SGSM2: variants seen among roughly 807,000 people sequenced by gnomAD.
SGSM2 encodes small G protein signaling modulator 2.
In SGSM2, 89 loss-of-function variants were observed where a neutral mutation model predicts 126.6. The ratio of observed to expected loss-of-function variants is 0.70; its 90% CI spans 0.59 to 0.84. The LOEUF is 0.84. SGSM2 is among the 40% of genes least tolerant of loss of function. SGSM2 has a pLI of 0.00. For synonymous variants in SGSM2, 614 were observed against 574.3 expected, an observed-to-expected ratio of 1.07 and a Z score of -0.99; for missense variants, 1,404 against 1,416.6, an observed-to-expected ratio of 0.99 and a Z score of 0.14.
chr17:2,364,901 C>T lies in SGSM2; in HGVS notation c.1005C>T (p.Ser335=), dbSNP rs759271614. ...ACTCTCCACGTTCACCCCCAGAGAG[C>T]GGTGGCACGCTTGTGCTGGTGAGCC... The part of the protein sequence containing the change: ...VVCIHCHQQK[S]GGTLVLVSQD... Residue 335 remains serine (S), a synonymous_variant, in exon 10 of 24, where the codon AGC becomes AGT. Coordinates refer to ENST00000268989, the MANE Select transcript of SGSM2 (RefSeq NM_014853.3). 9.3e-6 allele frequency: 15 copies of T among 1,609,016 alleles called. No homozygotes were observed. In the African/African-American group the frequency reaches 1.1e-4, roughly 11 times the overall value.
At position 2,375,687 on chromosome 17, in the gene SGSM2, T is replaced by C; in HGVS notation, c.2296T>C (p.Ser766Pro). 6.2e-7 allele frequency: 1 copy of C among 1,613,776 alleles called. No individual in the cohort carries two copies. The highest frequency in any genetic ancestry group is 8.5e-7 in the Non-Finnish European group (1 of 1,179,898). The stretch of plus-strand genomic sequence containing the variant: ...TTACTCCGTGGCCTCGGGCATCCAG[T>C]CAAGCCTAGATGAGGGGCAGAGCGT... ...RNYSVASGIQ[S>P]SLDEGQSVGF... The change falls in exon 18 of 24, where the codon TCA (serine) becomes CCA (proline). Residue 766 changes from serine (S) to proline (P), a missense_variant. Transcript: ENST00000268989.
chr17:2,361,977 C>A, intron 3 of SGSM2, 132 bp from the exon 4 acceptor site: 1 of 1,327,978 alleles, frequency 7.5e-7, no homozygotes, highest in Non-Finnish European at 1.0e-6. Context: ...GCTCTGTACC[C>A]CTCCTTCACC....
At position 2,372,335 on chromosome 17, in the gene SGSM2, C is replaced by T. The variant is rs2065910755; in HGVS notation, c.1643-8C>T. The T allele has an allele frequency of 6.2e-7, 1 of 1,601,150 alleles. No individual in the cohort carries two copies. The highest frequency in any genetic ancestry group is 8.5e-7 in the Non-Finnish European group (1 of 1,174,198). ...CAGCCTCCTGCTGCCCACCGCTGCC[C>T]ACCGCAGGGCTGGCACACTGCCGCC... On this transcript the variant is annotated splice_region_variant and splice_polypyrimidine_tract_variant and intron_variant, in intron 14 of 23. Coordinates refer to ENST00000268989, the MANE Select transcript of SGSM2 (RefSeq NM_014853.3). The surrounding 1 kb of genome is among the most constrained non-coding windows in gnomAD (Gnocchi z 6.0).
intron 2 of SGSM2, among the ~76,000 whole-genome samples, chr17:2,354,606 G>A (rs1009128964): frequency 6.6e-6 from 1 of 152,170 alleles, no homozygotes; most frequent in Admixed American, 6.5e-5. Context: ...AAATAATCAC[G>A]CAGTTATATC....
At chr17:2,349,559 GA>G (rs1182556410) in intron 2 of SGSM2, among the ~76,000 whole-genome samples, 1 of 152,108 alleles carries the variant, frequency 6.6e-6, no homozygotes, top group Admixed American at 6.6e-5. Context: ...CAGTGTAATA[GA>G]GGTATAAGTG....
Position 2,376,762 on chromosome 17 carries a change from A to G in SGSM2, c.2639A>G (p.Tyr880Cys). ...SYVWEHLDVG[Y>C]VQGMCDLLAP... is the part of the protein sequence containing the mutation. The stretch of plus-strand genomic sequence containing the variant: ...GTGTGGGAGCACCTGGACGTGGGCT[A>G]TGTGCAGGGCATGTGCGATCTGCTG... The change falls in exon 20 of 24, where the codon TAT (tyrosine) becomes TGT (cysteine). Residue 880 changes from tyrosine to cysteine, a missense_variant. Transcript: ENST00000268989. 6.2e-7 allele frequency: 1 copy of G among 1,614,068 alleles called. No individual in the cohort carries two copies. Among genetic ancestry groups the G allele is most frequent in the Non-Finnish European group, 8.5e-7 (1 of 1,180,038 alleles).
intron 22 of SGSM2, 88 bp from the exon 23 acceptor site, chr17:2,378,948 G>A (rs2066301653): frequency 6.8e-7 from 1 of 1,467,688 alleles, no homozygotes; most frequent in Non-Finnish European, 9.2e-7. Context: ...CTCAGCCCCA[G>A]CCTCAATCCC....
rs149339270 is a variant in SGSM2 at position 2,380,226 on chromosome 17, G to C, written c.*706G>C. The C allele has an allele frequency of 1.6e-4, 241 of 1,535,824 alleles. No homozygotes were observed. In the African/African-American group the frequency reaches 3.0e-3, roughly 19 times the overall value. ...CAGTGTACCTCTGTGTATCTGTACA[G>C]CCTCGCTCCTGCCACCCCACCCTTG... On this transcript the variant is annotated 3_prime_UTR_variant, in exon 24 of 24. Coordinates refer to ENST00000268989, the MANE Select transcript of SGSM2 (RefSeq NM_014853.3).
intron 2 of SGSM2, among the ~76,000 whole-genome samples, chr17:2,359,519 C>T (rs2065223983): frequency 6.6e-6 from 1 of 152,088 alleles, no homozygotes. Context: ...AAATTAGGGA[C>T]CGTGGGGTAA....
At chr17:2,348,259 T>A (rs1280612631) in intron 2 of SGSM2, among the ~76,000 whole-genome samples, 1 of 152,092 alleles carries the variant, frequency 6.6e-6, no homozygotes. Flanking sequence ...TTCAGCACAT[T>A]CTGAGATTTG....
At chr17:2,368,555 C>A (rs1216557018) in intron 12 of SGSM2, among the ~76,000 whole-genome samples, 2 of 152,216 alleles carry the variant, frequency 1.3e-5, no homozygotes, top group Admixed American at 1.3e-4. Flanking sequence ...CAGTAACTGT[C>A]TCCGGGCAGG....
intron 2 of SGSM2, among the ~76,000 whole-genome samples, chr17:2,349,564 A>G (rs1442401361): frequency 6.6e-6 from 1 of 152,168 alleles, no homozygotes; most frequent in Non-Finnish European, 1.5e-5. Flanking sequence ...TAATAGAGGT[A>G]TAAGTGCATG....
chr17:2,337,826 C>G lies in SGSM2; in HGVS notation c.57+81C>G. ...GGGCAGAAAGGTCCGCGCCCACCCC[C>G]CGGCGCGGGCACCCGGGCCGAACCT... On this transcript the variant is annotated intron_variant, in intron 1 of 23. Transcript: ENST00000268989. The surrounding 1 kb of genome is among the most constrained non-coding windows in gnomAD (Gnocchi z 5.1). 2.7e-6 allele frequency: 3 copies of G among 1,101,920 alleles called. No individual in the cohort carries two copies. Among genetic ancestry groups the G allele is most frequent in the Non-Finnish European group, 3.6e-6 (3 of 824,432 alleles). 68.3% of individuals were successfully genotyped at this position (1,101,920 alleles called of 1,614,324 possible). A position where few individuals can be genotyped will look rare whatever the true frequency, so the allele number is the denominator to read the frequency against.
At chr17:2,365,373 A>C in intron 11 of SGSM2, 32 bp downstream of exon 11, 2 of 1,509,296 alleles carry the variant, frequency 1.3e-6, no homozygotes, top group Non-Finnish European at 1.8e-6. Flanking sequence ...CCGGGGGAGG[A>C]GAGGAAGACG....
chr17:2,341,059 T>A (rs567430906), intron 1 of SGSM2, among the ~76,000 whole-genome samples: 1 of 152,330 alleles, frequency 6.6e-6, no homozygotes, highest in East Asian at 1.9e-4. Context: ...TCCAGGTCTT[T>A]AGCTGTGACA....
intron 1 of SGSM2, among the ~76,000 whole-genome samples, chr17:2,341,249 C>G (rs1567796465): frequency 6.6e-6 from 1 of 152,126 alleles, no homozygotes; most frequent in Non-Finnish European, 1.5e-5. Flanking sequence ...TCTTGAGTAG[C>G]TGGGATTACT....
chr17:2,380,074 C>T lies in SGSM2; in HGVS notation c.*554C>T, dbSNP rs902751566. 3 of 1,411,262 alleles carry T rather than the reference C, an allele frequency of 2.1e-6. No individual in the cohort carries two copies. The highest frequency in any genetic ancestry group is 2.8e-6 in the Non-Finnish European group (3 of 1,086,996). 87.4% of individuals were successfully genotyped at this position (1,411,262 alleles called of 1,614,324 possible). A position where few individuals can be genotyped will look rare whatever the true frequency, so the allele number is the denominator to read the frequency against. On this transcript the variant is annotated 3_prime_UTR_variant, in exon 24 of 24. Transcript: ENST00000268989. ...GGGCACGGGAGACCCGGGCCGCCTT[C>T]AGGCCGCTCCCCCGAGATTCTGGGG... is the stretch of plus-strand genomic sequence containing the variant.
intron 2 of SGSM2, among the ~76,000 whole-genome samples, chr17:2,347,254 T>C (rs771148904): frequency 1.1e-4 from 16 of 152,050 alleles, no homozygotes; most frequent in Non-Finnish European, 1.5e-4. Flanking sequence ...TACAGGTGCC[T>C]GCCACCACAC....
chr17:2,339,574 C>T (rs758994675), intron 1 of SGSM2, among the ~76,000 whole-genome samples: 1 of 151,540 alleles, frequency 6.6e-6, no homozygotes, highest in African/African-American at 2.4e-5. Flanking sequence ...ATTAGCTGGG[C>T]GTGGTGGCGG....
Sources: allele counts gnomAD v4.1 joint callset (sites outside exome capture counted in the v4.1 genomes callset), GRCh38; gene constraint gnomAD v4.1.1; non-coding constraint Gnocchi (gnomAD v3.1); transcripts MANE v1.5; gene names NCBI Gene and HGNC (gene_info 2026-07-23, HGNC 2026-07-21).